Variants in CPNE8 observed in about 807,000 individuals in gnomAD.
CPNE8 encodes the protein copine-8.
CPNE8 carries 45 observed loss-of-function variants against 81.5 expected under a neutral mutation model. That is an observed-to-expected ratio of 0.55 (90% CI 0.44 to 0.71). CPNE8 has a LOEUF of 0.71. Ranked by LOEUF, CPNE8 falls within the 30% of genes least tolerant of loss-of-function variation. CPNE8 has a pLI of 0.00. For synonymous variants in CPNE8, 252 were observed against 226.3 expected (o/e 1.11, Z -1.02); for missense variants, 594 against 672.1 (o/e 0.88, Z 1.28).
intron 5 of CPNE8, among the ~76,000 whole-genome samples, chr12:38,829,939 T>G (rs1214369350): frequency 6.6e-6 from 1 of 152,210 alleles, no homozygotes; most frequent in Non-Finnish European, 1.5e-5. Context: ...TACCACTTAC[T>G]AACTGTGATT....
intron 10 of CPNE8, among the ~76,000 whole-genome samples, chr12:38,739,729 TC>T (rs1193793026): frequency 6.6e-6 from 1 of 152,202 alleles, no homozygotes; most frequent in Non-Finnish European, 1.5e-5. Flanking sequence ...TGTTTTGGTT[TC>T]TTTGAAGAAA....
At chr12:38,767,519 A>T in intron 8 of CPNE8, 116 bp downstream of exon 8, 1 of 598,052 alleles carries the variant, frequency 1.7e-6, no homozygotes, top group Non-Finnish European at 2.7e-6. Flanking sequence ...ATCAATTTTT[A>T]AAATCTCAAA....
intron 1 of CPNE8, among the ~76,000 whole-genome samples, chr12:38,900,574 T>G (rs1282816090): frequency 6.6e-6 from 1 of 152,080 alleles, no homozygotes; most frequent in Non-Finnish European, 1.5e-5. Context: ...CTAATCCAGT[T>G]TAGGAGCACA....
At chr12:38,778,752 C>T (rs1941986458) in intron 6 of CPNE8, among the ~76,000 whole-genome samples, 1 of 152,160 alleles carries the variant, frequency 6.6e-6, no homozygotes, top group Admixed American at 6.5e-5. Context: ...GTTGATTATG[C>T]TTTCTGTAAG....
intron 7 of CPNE8, among the ~76,000 whole-genome samples, chr12:38,772,183 G>A (rs537450457): frequency 4.3e-4 from 65 of 152,146 alleles, no homozygotes; most frequent in Non-Finnish European, 8.5e-4. Context: ...CTGCCACAAT[G>A]TGAAACAGTA....
rs181067021 is a variant in CPNE8, at chr12:38,736,203, C to T, written c.723-5845G>A. Among the ~76,000 whole-genome samples the T allele has an allele frequency of 1.8e-3, 219 of 119,762 alleles. 1 individual carries two copies. Among genetic ancestry groups the T allele is most frequent in the African/African-American group, 6.5e-3 (206 of 31,776 alleles). 78.6% of individuals were successfully genotyped at this position (119,762 alleles called of 152,430 possible). A position where few individuals can be genotyped will look rare whatever the true frequency, so the allele number is the denominator to read the frequency against. On this transcript the variant is annotated intron_variant, in intron 10 of 19. Coordinates refer to ENST00000331366, the MANE Select transcript of CPNE8 (RefSeq NM_153634.3). Reference sequence around the variant, plus strand: ...ACATATATATAATAAGTTCTATTGCCCTGCTGGGTGTATATATGTGTGTGT... The same window carrying T: ...ACATATATATAATAAGTTCTATTGCTCTGCTGGGTGTATATATGTGTGTGT...
chr12:38,716,132 G>T (rs1315032966), intron 13 of CPNE8, among the ~76,000 whole-genome samples: 3 of 152,060 alleles, frequency 2.0e-5, no homozygotes, highest in Non-Finnish European at 4.4e-5. Context: ...ACAAAACACT[G>T]CTGAAAGAAA....
At chr12:38,738,890 T>C (rs2136786778) in intron 10 of CPNE8, among the ~76,000 whole-genome samples, 1 of 150,954 alleles carries the variant, frequency 6.6e-6, no homozygotes, top group East Asian at 2.0e-4. Context: ...CTTGGTTCAC[T>C]GCAGCCTCCA....
At chr12:38,714,594 G>A (rs370368717) in intron 13 of CPNE8, among the ~76,000 whole-genome samples, 7 of 151,238 alleles carry the variant, frequency 4.6e-5, no homozygotes, top group African/African-American at 1.5e-4. Flanking sequence ...ATTATAGAAT[G>A]TATCTCATAC....
At chr12:38,753,623 T>C (rs953741687) in intron 10 of CPNE8, among the ~76,000 whole-genome samples, 9 of 152,206 alleles carry the variant, frequency 5.9e-5, no homozygotes, top group Non-Finnish European at 5.9e-5. Context: ...TCAGGTAGTT[T>C]ATAATTACAG....
chr12:38,848,511 T>C (rs1565646942), intron 4 of CPNE8, 48 bp downstream of exon 4: 1 of 1,527,516 alleles, frequency 6.5e-7, no homozygotes, highest in Admixed American at 2.3e-5. Context: ...TTAGTAATAT[T>C]GTCTTTAAAA....
At chr12:38,745,929 A>G (rs543928616) in intron 10 of CPNE8, among the ~76,000 whole-genome samples, 48 of 152,146 alleles carry the variant, frequency 3.2e-4, no homozygotes, top group Non-Finnish European at 5.9e-4. Flanking sequence ...AGTTTTTTCA[A>G]ATACTCACAG....
chr12:38,807,131 G>T (rs1258445133), intron 6 of CPNE8, among the ~76,000 whole-genome samples: 3 of 151,954 alleles, frequency 2.0e-5, no homozygotes, highest in Non-Finnish European at 4.4e-5. Context: ...AACATTCCAT[G>T]CTCATGGGTA....
At chr12:38,798,735 T>A (rs538124085) in intron 6 of CPNE8, among the ~76,000 whole-genome samples, 1 of 152,140 alleles carries the variant, frequency 6.6e-6, no homozygotes, top group Admixed American at 6.6e-5. Flanking sequence ...AATGCTCCAA[T>A]TGAAAGACAC....
intron 3 of CPNE8, among the ~76,000 whole-genome samples, chr12:38,861,903 T>A (rs1565652536): frequency 6.6e-6 from 1 of 151,962 alleles, no homozygotes. Context: ...AAATTATGGC[T>A]GAGAGAAAAT....
At chr12:38,798,508 T>G (rs560423927) in intron 6 of CPNE8, among the ~76,000 whole-genome samples, 5 of 151,736 alleles carry the variant, frequency 3.3e-5, no homozygotes, top group Admixed American at 3.3e-4. Flanking sequence ...CTGAGAGATG[T>G]TGTCACCACC....
chr12:38,843,574 C>T (rs755176017), intron 4 of CPNE8, among the ~76,000 whole-genome samples: 2 of 152,000 alleles, frequency 1.3e-5, no homozygotes, highest in South Asian at 2.1e-4. Flanking sequence ...CAGTAAGCTA[C>T]GGGGCCCTGC....
At chr12:38,884,071 G>T (rs915017112) in intron 1 of CPNE8, among the ~76,000 whole-genome samples, 1 of 152,120 alleles carries the variant, frequency 6.6e-6, no homozygotes, top group African/African-American at 2.4e-5. Context: ...CCCTTTTAAA[G>T]TGTACAATCC....
chr12:38,833,042 A>G (rs1943315143), intron 5 of CPNE8, among the ~76,000 whole-genome samples: 1 of 143,814 alleles, frequency 7.0e-6, no homozygotes, highest in Non-Finnish European at 1.6e-5. Context: ...CCTCAGCACA[A>G]CTGTTGGTTT....
Sources: gnomAD v4.1 joint callset for allele counts (sites outside exome capture counted in the v4.1 genomes callset) on GRCh38, gnomAD v4.1.1 for gene constraint, MANE v1.5 for transcripts, NCBI Gene and HGNC (gene_info 2026-07-23, HGNC 2026-07-21) for gene names.